C10orf90: variants seen among roughly 807,000 people sequenced by gnomAD.
C10orf90 encodes (E2-independent) E3 ubiquitin-conjugating enzyme FATS.
C10orf90 carries 56 observed loss-of-function variants against 62.5 expected under a neutral mutation model. The ratio of observed to expected loss-of-function variants is 0.90; its 90% CI spans 0.72 to 1.12. The LOEUF (loss-of-function observed/expected upper bound fraction) is 1.12. Among genes scored for constraint, C10orf90 ranks in the 50% most tolerant of loss-of-function variants. The pLI is 0.00. For missense variants in C10orf90, 970 were observed against 880.4 expected (o/e 1.10, Z -1.29); for synonymous variants, 386 against 340.4 (o/e 1.13, Z -1.47).
chr10:126,459,503 G>T (rs1859821142), intron 6 of C10orf90, among the ~76,000 whole-genome samples: 1 of 152,212 alleles, frequency 6.6e-6, no homozygotes, highest in African/African-American at 2.4e-5. Context: ...GGCAACGTCT[G>T]CCCATTCATC....
chr10:126,650,059 G>A (rs1846261210), intron 1 of C10orf90, among the ~76,000 whole-genome samples: 2 of 152,160 alleles, frequency 1.3e-5, no homozygotes, highest in Admixed American at 1.3e-4. Context: ...GGAGTTAACA[G>A]GAGATGCCAG....
intron 4 of C10orf90, among the ~76,000 whole-genome samples, chr10:126,491,702 A>G (rs1309937071): frequency 6.6e-6 from 1 of 152,238 alleles, no homozygotes; most frequent in Non-Finnish European, 1.5e-5. Context: ...GAGAATTTCT[A>G]GAAGGAAACA....
chr10:126,565,213 T>C (rs1844329088), intron 2 of C10orf90, among the ~76,000 whole-genome samples: 1 of 52,752 alleles, frequency 1.9e-5, no homozygotes, highest in Non-Finnish European at 3.4e-5. Context: ...TTATGTAATA[T>C]AATTTTTATA....
chr10:126,521,201 A>G, intron 2 of C10orf90: 2 of 1,391,670 alleles, frequency 1.4e-6, no homozygotes, highest in Non-Finnish European at 2.0e-6. Context: ...GGGGCCTCAT[A>G]CAGTACTGGG....
chr10:126,433,244 AT>A (rs1176048693), intron 7 of C10orf90, among the ~76,000 whole-genome samples: 11 of 152,148 alleles, frequency 7.2e-5, no homozygotes, highest in Non-Finnish European at 1.6e-4. Context: ...CGATAGGGAC[AT>A]GAAGATAAAT....
intron 2 of C10orf90, among the ~76,000 whole-genome samples, chr10:126,581,209 G>A (rs1187684670): frequency 1.3e-5 from 2 of 152,228 alleles, no homozygotes; most frequent in African/African-American, 4.8e-5. Context: ...GGGACCAACA[G>A]AGATATTCAT....
At chr10:126,497,578 C>G (rs1346142558) in intron 4 of C10orf90, among the ~76,000 whole-genome samples, 1 of 152,176 alleles carries the variant, frequency 6.6e-6, no homozygotes, top group East Asian at 1.9e-4. Flanking sequence ...ACAAGATGAT[C>G]TTGTCCACCT....
chr10:126,457,937 C>T (rs1268821665), intron 7 of C10orf90, among the ~76,000 whole-genome samples: 1 of 152,180 alleles, frequency 6.6e-6, no homozygotes, highest in Non-Finnish European at 1.5e-5. Flanking sequence ...TGCACATCCC[C>T]TTTCGTTAGT....
intron 2 of C10orf90, among the ~76,000 whole-genome samples, chr10:126,575,769 A>G (rs1844598631): frequency 6.6e-6 from 1 of 152,082 alleles, no homozygotes; most frequent in South Asian, 2.1e-4. Context: ...CCCAGAAATT[A>G]ATCTACATAT....
chr10:126,573,982 A>G (rs1021516687), intron 2 of C10orf90, among the ~76,000 whole-genome samples: 5 of 152,198 alleles, frequency 3.3e-5, no homozygotes, highest in African/African-American at 1.2e-4. Flanking sequence ...AGTTTGTGGT[A>G]GTTCACTTCG....
intron 2 of C10orf90, among the ~76,000 whole-genome samples, chr10:126,561,899 C>G (rs967471528): frequency 7.9e-5 from 12 of 152,160 alleles, no homozygotes; most frequent in African/African-American, 2.9e-4. Context: ...GAAAGAACCC[C>G]CCACTGAGAG....
intron 7 of C10orf90, among the ~76,000 whole-genome samples, chr10:126,435,881 T>G (rs965171770): frequency 2.0e-5 from 3 of 152,100 alleles, no homozygotes; most frequent in African/African-American, 7.2e-5. Context: ...GACAGGAAAG[T>G]CTCTTCTCAG....
At chr10:126,513,724 G>T in intron 3 of C10orf90, 124 bp downstream of exon 3, 1 of 635,252 alleles carries the variant, frequency 1.6e-6, no homozygotes, top group Non-Finnish European at 2.8e-6. Context: ...TAGATTGTTT[G>T]CTACATTAAT....
At chr10:126,523,175 G>C (rs745837772) in intron 2 of C10orf90, among the ~76,000 whole-genome samples, 1 of 152,226 alleles carries the variant, frequency 6.6e-6, no homozygotes, top group Non-Finnish European at 1.5e-5. Flanking sequence ...GGAGTGTGAA[G>C]CACAGTCTTC....
At chr10:126,549,420 C>A (rs930921641) in intron 2 of C10orf90, among the ~76,000 whole-genome samples, 1 of 152,122 alleles carries the variant, frequency 6.6e-6, no homozygotes. Context: ...GATGTCCAGC[C>A]TCATTAGCCA....
At chr10:126,650,808 C>A (rs1421912534) in intron 1 of C10orf90, among the ~76,000 whole-genome samples, 1 of 152,112 alleles carries the variant, frequency 6.6e-6, no homozygotes, top group African/African-American at 2.4e-5. Context: ...GATAAGAAAC[C>A]TAAGTGTCCA....
intron 2 of C10orf90, among the ~76,000 whole-genome samples, chr10:126,532,529 T>G (rs1419309717): frequency 6.6e-6 from 1 of 151,898 alleles, no homozygotes; most frequent in African/African-American, 2.4e-5. Context: ...TAAGTAAGGT[T>G]TGGACTCATA....
intron 2 of C10orf90, chr10:126,522,899 T>A (rs1049145188): frequency 6.6e-6 from 1 of 152,204 alleles, no homozygotes; most frequent in Non-Finnish European, 1.5e-5. Context: ...CGTAACCTCC[T>A]GGCCTCTGTT....
intron 2 of C10orf90, among the ~76,000 whole-genome samples, chr10:126,533,971 C>T (rs929792830): frequency 1.3e-4 from 20 of 152,284 alleles, no homozygotes; most frequent in Middle Eastern, 3.4e-3. Flanking sequence ...CCAGGAACCC[C>T]GTGCAAGCTG....
Sources: allele counts gnomAD v4.1 joint callset (sites outside exome capture counted in the v4.1 genomes callset), GRCh38; gene constraint gnomAD v4.1.1; transcripts MANE v1.5; gene names NCBI Gene and HGNC (gene_info 2026-07-23, HGNC 2026-07-21).